SLC35F1: variants seen among roughly 807,000 people sequenced by gnomAD.
SLC35F1 encodes chromosome 6 open reading frame 169.
A neutral mutation model predicts 48.7 loss-of-function variants in SLC35F1; 14 were observed. That is an observed-to-expected ratio of 0.29 (90% CI 0.19 to 0.45). The LOEUF is 0.45. Among genes scored for constraint, SLC35F1 ranks in the 20% least tolerant of loss-of-function variants. The pLI, the probability that SLC35F1 is intolerant of heterozygous loss-of-function variation, is 1.00. For missense variants in SLC35F1, 404 were observed against 500.0 expected, an observed-to-expected ratio of 0.81 and a Z score of 1.83; for synonymous variants, 190 against 202.2, an observed-to-expected ratio of 0.94 and a Z score of 0.51.
At chr6:118,157,931 A>G (rs943516081) in intron 2 of SLC35F1, among the ~76,000 whole-genome samples, 4 of 152,186 alleles carry the variant, frequency 2.6e-5, no homozygotes, top group African/African-American at 9.7e-5. Flanking sequence ...AACCATCACA[A>G]GGATGTCATA....
At chr6:117,947,214 G>A (rs942937744) in intron 1 of SLC35F1, among the ~76,000 whole-genome samples, 5 of 152,248 alleles carry the variant, frequency 3.3e-5, no homozygotes, top group Middle Eastern at 3.4e-3. Context: ...AGATATCTGG[G>A]GAAGAGCTTC....
rs1199319208 is a variant in SLC35F1 at position 118,079,403 on chromosome 6, C to G, written c.174-75042C>G. On this transcript the variant is annotated intron_variant, in intron 1 of 7. Transcript: ENST00000360388. The stretch of plus-strand genomic sequence containing the variant: ...TATTGTATGTATTTTATTTGTTCAT[C>G]TGCCAGTGGAGCCAGGTTACTTTCA... Among the ~76,000 whole-genome samples, 5 of 152,116 alleles carry G rather than the reference C, an allele frequency of 3.3e-5. 1 individual carries two copies. Among genetic ancestry groups the G allele is most frequent in the African/African-American group, 1.2e-4 (5 of 41,422 alleles).
intron 2 of SLC35F1, among the ~76,000 whole-genome samples, chr6:118,181,226 A>C (rs578041094): frequency 6.6e-6 from 1 of 152,260 alleles, no homozygotes; most frequent in South Asian, 2.1e-4. Flanking sequence ...AGGCAAATCT[A>C]TACAAATATT....
At chr6:118,252,590 G>C (rs1775588680) in intron 3 of SLC35F1, among the ~76,000 whole-genome samples, 1 of 152,104 alleles carries the variant, frequency 6.6e-6, no homozygotes, top group South Asian at 2.1e-4. Context: ...GAGTATATGT[G>C]TCTGGAGTTC....
In SLC35F1 at chr6:118,098,931, C is replaced by T. The variant is rs529167307; in HGVS notation, c.174-55514C>T. On this transcript the variant is annotated intron_variant, in intron 1 of 7. Coordinates refer to ENST00000360388, the MANE Select transcript of SLC35F1 (RefSeq NM_001029858.4). ...TTCCTGGTTCCCTTCATTTTCTCAC[C>T]ACTGTGTTTGGCCTATTTTATAAGG... Among the ~76,000 whole-genome samples, 4 of 152,228 alleles carry T rather than the reference C, an allele frequency of 2.6e-5. No individual in the cohort carries two copies. The East Asian group carries it at 7.7e-4, about 29-fold the overall frequency.
chr6:118,049,433 C>T (rs1772351393), intron 1 of SLC35F1, among the ~76,000 whole-genome samples: 1 of 151,902 alleles, frequency 6.6e-6, no homozygotes, highest in Admixed American at 6.6e-5. Flanking sequence ...AGGCAACCCA[C>T]AAAATGGGAA....
At chr6:117,980,344 A>C (rs1313469767) in intron 1 of SLC35F1, among the ~76,000 whole-genome samples, 1 of 152,216 alleles carries the variant, frequency 6.6e-6, no homozygotes, top group African/African-American at 2.4e-5. Context: ...TTGTCTTTGA[A>C]GAAAGCCTAA....
At chr6:118,256,268 C>T (rs1775645221) in intron 3 of SLC35F1, among the ~76,000 whole-genome samples, 1 of 139,446 alleles carries the variant, frequency 7.2e-6, no homozygotes, top group Non-Finnish European at 1.5e-5. Flanking sequence ...GAAGTTTGTC[C>T]TTTTAAAGAT....
intron 1 of SLC35F1, among the ~76,000 whole-genome samples, chr6:117,995,711 A>G (rs1419434995): frequency 6.6e-6 from 1 of 152,160 alleles, no homozygotes; most frequent in Non-Finnish European, 1.5e-5. Context: ...ACTGCACTCC[A>G]GCCTGGGTTA....
At chr6:118,091,366 G>C (rs146841660) in intron 1 of SLC35F1, among the ~76,000 whole-genome samples, 4 of 152,246 alleles carry the variant, frequency 2.6e-5, no homozygotes, top group East Asian at 1.9e-4. Flanking sequence ...ATGAATCATG[G>C]GGACAGGTTT....
chr6:118,071,079 G>GTA (rs1562280999), intron 1 of SLC35F1, among the ~76,000 whole-genome samples: 20 of 1,454 alleles, frequency 0.014, no homozygotes, highest in Admixed American at 0.038. Flanking sequence ...TATACTATGT[G>GTA]TATATATACA....
At chr6:117,928,089 A>G (rs1776052151) in intron 1 of SLC35F1, among the ~76,000 whole-genome samples, 1 of 152,158 alleles carries the variant, frequency 6.6e-6, no homozygotes, top group Admixed American at 6.6e-5. Context: ...CTCCCATTCC[A>G]GAAACATGCT....
intron 2 of SLC35F1, among the ~76,000 whole-genome samples, chr6:118,229,733 A>G (rs1305429452): frequency 6.6e-6 from 1 of 152,200 alleles, no homozygotes; most frequent in Non-Finnish European, 1.5e-5. Flanking sequence ...TAGGGTTTTA[A>G]TGAGGATAAG....
At chr6:118,190,385 T>G (rs952750064) in intron 2 of SLC35F1, among the ~76,000 whole-genome samples, 8 of 152,162 alleles carry the variant, frequency 5.3e-5, no homozygotes, top group African/African-American at 1.7e-4. Flanking sequence ...TGGTTTAGTC[T>G]GTTAGGGCCT....
At chr6:117,934,280 A>G (rs1776137703) in intron 1 of SLC35F1, among the ~76,000 whole-genome samples, 1 of 152,198 alleles carries the variant, frequency 6.6e-6, no homozygotes, top group Non-Finnish European at 1.5e-5. Flanking sequence ...CTTGATTGAA[A>G]GGATTTCTTA....
intron 7 of SLC35F1, among the ~76,000 whole-genome samples, chr6:118,297,917 A>G (rs550056580): frequency 9.2e-5 from 14 of 151,784 alleles, no homozygotes; most frequent in African/African-American, 3.1e-4. Flanking sequence ...ATGAGGGCGG[A>G]TTCCTCGTGA....
intron 1 of SLC35F1, among the ~76,000 whole-genome samples, chr6:118,131,492 T>C (rs145371668): frequency 9.1e-4 from 138 of 152,222 alleles, no homozygotes; most frequent in African/African-American, 3.3e-3. Context: ...TGAATAATAA[T>C]TGTGATGCAA....
At chr6:118,198,221 A>C (rs911795036) in intron 2 of SLC35F1, among the ~76,000 whole-genome samples, 2 of 152,222 alleles carry the variant, frequency 1.3e-5, no homozygotes, top group African/African-American at 4.8e-5. Context: ...TCTGGACTAC[A>C]TAAAATTCAG....
At chr6:117,920,494 A>G (rs1186078125) in intron 1 of SLC35F1, among the ~76,000 whole-genome samples, 4 of 152,180 alleles carry the variant, frequency 2.6e-5, no homozygotes, top group Non-Finnish European at 4.4e-5. Context: ...GAAAGTCTGA[A>G]ACGTCACAAC....
Sources: gnomAD v4.1 joint callset for allele counts (sites outside exome capture counted in the v4.1 genomes callset) on GRCh38, gnomAD v4.1.1 for gene constraint, MANE v1.5 for transcripts, NCBI Gene and HGNC (gene_info 2026-07-23, HGNC 2026-07-21) for gene names.